The following CES5A variants were observed in gnomAD, a reference collection of about 807,000 sequenced individuals.
The protein encoded by CES5A is carboxylesterase 5.
A neutral mutation model predicts 62.9 loss-of-function variants in CES5A; 67 were observed. The ratio of observed to expected loss-of-function variants is 1.07; its 90% CI spans 0.88 to 1.31. The LOEUF is 1.31. Ranked by LOEUF, CES5A falls within the 50% of genes most tolerant of loss-of-function variation. The probability of loss-of-function intolerance (pLI) is 0.00; values close to 1 mark genes in which losing one functional copy is unlikely to be tolerated. For missense variants in CES5A, 748 were observed against 708.5 expected (o/e 1.06, Z -0.63); for synonymous variants, 296 against 280.8 (o/e 1.05, Z -0.54).
At chr16:55,888,825 A>C (rs1447577764) in intron 1 of CES5A, among the ~76,000 whole-genome samples, 1 of 152,202 alleles carries the variant, frequency 6.6e-6, no homozygotes, top group Non-Finnish European at 1.5e-5. Flanking sequence ...GCTGGTCTTC[A>C]AATCTAGATC....
Position 55,871,646 on chromosome 16 carries a change from G to A in CES5A, c.396C>T (p.Ala132=), listed in dbSNP as rs543903403. 1.7e-5 allele frequency: 28 copies of A among 1,614,084 alleles called. No homozygotes were observed. Among genetic ancestry groups the A allele is most frequent in the South Asian group, 5.5e-5 (5 of 91,058 alleles). The change falls in exon 3 of 13, where the codon GCC becomes GCT. Residue 132 remains alanine (A), a synonymous_variant. Coordinates refer to ENST00000290567, the MANE Select transcript of CES5A (RefSeq NM_001143685.2). ...TTACGGGGAGCTTGGAGCCTGTATCGGCGTGGGCAGGCGCATAGATGTTCA... is the reference window on the plus strand; with the variant it reads ...TTACGGGGAGCTTGGAGCCTGTATCAGCGTGGGCAGGCGCATAGATGTTCA... The part of the protein sequence containing the change: ...LYLNIYAPAH[A]DTGSKLPVLV...
At chr16:55,903,118 A>G (rs1046136419) in intron 1 of CES5A, among the ~76,000 whole-genome samples, 1 of 147,746 alleles carries the variant, frequency 6.8e-6, no homozygotes, top group African/African-American at 2.5e-5. Context: ...GTTAGTCTAA[A>G]GGGATGCAGA....
chr16:55,875,790 A>T (rs57161061), upstream of CES5A, among the ~76,000 whole-genome samples: 7,048 of 151,730 alleles, frequency 0.046, 351 homozygotes, highest in East Asian at 0.2. Flanking sequence ...CGATTATATT[A>T]TTTCCCCTCT....
intron 2 of CES5A, among the ~76,000 whole-genome samples, chr16:55,945,099 C>T (rs559911997): frequency 6.6e-6 from 1 of 152,240 alleles, no homozygotes; most frequent in Non-Finnish European, 1.5e-5. Flanking sequence ...CTCATACTGG[C>T]CAGTTCTTTG....
intron 1 of CES5A, among the ~76,000 whole-genome samples, chr16:55,924,427 C>A (rs2034238910): frequency 6.6e-6 from 1 of 151,788 alleles, no homozygotes; most frequent in African/African-American, 2.4e-5. Flanking sequence ...AGCTGACACA[C>A]ACACACAAAG....
intron 1 of CES5A, among the ~76,000 whole-genome samples, chr16:55,884,906 C>G (rs780965236): frequency 2.0e-5 from 3 of 152,140 alleles, no homozygotes; most frequent in Non-Finnish European, 2.9e-5. Flanking sequence ...CACTAAACTT[C>G]TTAGTGATAC....
intron 1 of CES5A, among the ~76,000 whole-genome samples, chr16:55,883,396 C>A (rs1417899380): frequency 2.0e-5 from 3 of 152,154 alleles, no homozygotes; most frequent in East Asian, 1.9e-4. Context: ...CTCAGCCTCC[C>A]AAGTAGCTGG....
rs1483973026 is a variant in CES5A, at chr16:55,949,537, T to C, written c.160+248A>G. Reference sequence around the variant, plus strand: ...TGCCAGACACAAAGAAGCAGGCTGATTTCTTTATGTCCATCTCTTCTCCTG... The same window carrying C: ...TGCCAGACACAAAGAAGCAGGCTGACTTCTTTATGTCCATCTCTTCTCCTG... On this transcript the variant is annotated intron_variant, in intron 2 of 13. Coordinates refer to the CES5A transcript ENST00000521992. Among the ~76,000 whole-genome samples, 6 of 152,344 alleles carry C rather than the reference T, an allele frequency of 3.9e-5. No homozygotes were observed. In the East Asian group the frequency reaches 1.2e-3, roughly 29 times the overall value.
chr16:55,923,222 T>A (rs540061368), intron 1 of CES5A, among the ~76,000 whole-genome samples: 13 of 151,030 alleles, frequency 8.6e-5, no homozygotes, highest in African/African-American at 2.7e-4. Context: ...AAATTACAGA[T>A]TAACAAAATG....
chr16:55,865,565 G>A (rs866612890), intron 5 of CES5A, among the ~76,000 whole-genome samples: 11 of 152,284 alleles, frequency 7.2e-5, no homozygotes, highest in Admixed American at 3.9e-4. Context: ...CAAACTGTTG[G>A]TGAGGGAATA....
intron 6 of CES5A, among the ~76,000 whole-genome samples, chr16:55,862,517 G>T (rs1233091553): frequency 1.3e-5 from 2 of 152,186 alleles, no homozygotes; most frequent in Admixed American, 6.5e-5. Flanking sequence ...AGTGATGTGT[G>T]TCAAATGAAT....
chr16:55,906,106 C>T (rs2034038139), intron 1 of CES5A, among the ~76,000 whole-genome samples: 1 of 152,152 alleles, frequency 6.6e-6, no homozygotes, highest in South Asian at 2.1e-4. Context: ...CAGCCTCAAA[C>T]TGGACAAGCA....
At chr16:55,850,275 T>G (rs1409487357) in intron 10 of CES5A, among the ~76,000 whole-genome samples, 5 of 152,116 alleles carry the variant, frequency 3.3e-5, no homozygotes, top group East Asian at 1.9e-4. Flanking sequence ...AATTCAGCGG[T>G]TTTTAGTACA....
At chr16:55,920,234 T>C (rs1249845212) in intron 1 of CES5A, among the ~76,000 whole-genome samples, 1 of 152,018 alleles carries the variant, frequency 6.6e-6, no homozygotes, top group Non-Finnish European at 1.5e-5. Context: ...ATGCAGAAAA[T>C]TGTTCTCCAA....
In CES5A at chr16:55,868,717, C is replaced by T. The variant is rs183079018; in HGVS notation, c.551+894G>A. ...GTGACCCGCAAGCATAATCCTGGCCCCACCTCTCACTTCTCCTCTTTGTTT... is the reference window on the plus strand; with the variant it reads ...GTGACCCGCAAGCATAATCCTGGCCTCACCTCTCACTTCTCCTCTTTGTTT... On this transcript the variant is annotated intron_variant, in intron 4 of 12. Coordinates refer to ENST00000290567, the MANE Select transcript of CES5A (RefSeq NM_001143685.2). Among the ~76,000 whole-genome samples the T allele has an allele frequency of 2.0e-3, 302 of 152,290 alleles. 3 individuals carry two copies. Among genetic ancestry groups the T allele is most frequent in the Non-Finnish European group, 2.7e-3 (187 of 68,022 alleles).
chr16:55,879,255 C>G (rs1344081319), upstream of CES5A, among the ~76,000 whole-genome samples: 1 of 145,896 alleles, frequency 6.9e-6, no homozygotes, highest in African/African-American at 2.6e-5. Flanking sequence ...TACCACTGTA[C>G]CCCTAACAGT....
intron 10 of CES5A, among the ~76,000 whole-genome samples, chr16:55,850,490 G>A (rs1459077145): frequency 1.3e-5 from 2 of 152,164 alleles, no homozygotes; most frequent in Non-Finnish European, 2.9e-5. Flanking sequence ...GTGGCCCTTT[G>A]TGCCTGACTT....
chr16:55,872,451 G>A (rs2033611346), intron 2 of CES5A, among the ~76,000 whole-genome samples: 1 of 152,144 alleles, frequency 6.6e-6, no homozygotes, highest in Non-Finnish European at 1.5e-5. Context: ...CTGAGGTTGT[G>A]CGTGTGCATT....
intron 10 of CES5A, among the ~76,000 whole-genome samples, chr16:55,852,077 G>A (rs1161149994): frequency 1.3e-5 from 2 of 152,154 alleles, no homozygotes; most frequent in Non-Finnish European, 2.9e-5. Context: ...ATTTTTAATA[G>A]GTACTGATTT....
Sources: allele counts gnomAD v4.1 joint callset (sites outside exome capture counted in the v4.1 genomes callset), GRCh38; gene constraint gnomAD v4.1.1; transcripts MANE v1.5; gene names NCBI Gene and HGNC (gene_info 2026-07-23, HGNC 2026-07-21).